The following GRIK2 variants were observed in gnomAD, a reference collection of about 807,000 sequenced individuals.
GRIK2 encodes glutamate receptor ionotropic, kainate 2.
In GRIK2, 32 loss-of-function variants were observed where a neutral mutation model predicts 100.3. The observed-to-expected ratio is 0.32, with a 90% CI of 0.24 to 0.43. GRIK2 has a LOEUF of 0.43. GRIK2 is among the 20% of genes least tolerant of loss of function. GRIK2 has a pLI of 1.00. For synonymous variants in GRIK2, 417 were observed against 389.4 expected, an observed-to-expected ratio of 1.07 and a Z score of -0.83; for missense variants, 843 against 1,114.9, an observed-to-expected ratio of 0.76 and a Z score of 3.47.
chr6:102,010,531 GTGCCACCATGCCCAGCTAATTTTTT>G (rs1795477892), intron 14 of GRIK2, among the ~76,000 whole-genome samples: 1 of 151,866 alleles, frequency 6.6e-6, no homozygotes, highest in Non-Finnish European at 1.5e-5. Context: ...CTACAGTCAT[GTGCCACCATGCCCAGCTAATTTTTT>G]TGTATTTTTT....
At chr6:101,459,758 C>T (rs1337272581) in intron 2 of GRIK2, among the ~76,000 whole-genome samples, 6 of 151,726 alleles carry the variant, frequency 4.0e-5, no homozygotes, top group Non-Finnish European at 7.4e-5. Flanking sequence ...TGCTCTGGAC[C>T]ATAGAAATTA....
At chr6:101,742,117 A>G (rs1776069330) in intron 7 of GRIK2, among the ~76,000 whole-genome samples, 2 of 152,214 alleles carry the variant, frequency 1.3e-5, no homozygotes, top group African/African-American at 2.4e-5. Flanking sequence ...ATCAGAATAT[A>G]CTTTTTTCTA....
intron 14 of GRIK2, among the ~76,000 whole-genome samples, chr6:102,028,576 G>A (rs1167054261): frequency 1.3e-5 from 2 of 151,150 alleles, no homozygotes; most frequent in East Asian, 3.9e-4. Context: ...GATGATTTAC[G>A]AAAACTTAAA....
At chr6:101,550,041 C>A (rs1008301815) in intron 2 of GRIK2, among the ~76,000 whole-genome samples, 1 of 152,206 alleles carries the variant, frequency 6.6e-6, no homozygotes, top group Admixed American at 6.5e-5. Context: ...TTGCACAAAT[C>A]ATTTTCTATT....
At chr6:101,853,897 A>C (rs1784276045) in intron 10 of GRIK2, among the ~76,000 whole-genome samples, 1 of 152,232 alleles carries the variant, frequency 6.6e-6, no homozygotes. Context: ...GAGCTACTAA[A>C]AAGATTAACG....
intron 7 of GRIK2, among the ~76,000 whole-genome samples, chr6:101,760,650 TTA>T (rs1324338441): frequency 1.1e-5 from 1 of 87,730 alleles, no homozygotes; most frequent in Non-Finnish European, 1.9e-5. Context: ...TTATATATAA[TTA>T]TATGTTTAAT....
At chr6:101,964,504 G>A (rs1476799037) in intron 14 of GRIK2, among the ~76,000 whole-genome samples, 1 of 152,130 alleles carries the variant, frequency 6.6e-6, no homozygotes, top group African/African-American at 2.4e-5. Flanking sequence ...ACTTTTGTGG[G>A]ATACTACTTC....
intron 4 of GRIK2, among the ~76,000 whole-genome samples, chr6:101,672,315 A>G (rs1770502081): frequency 6.6e-6 from 1 of 151,968 alleles, no homozygotes; most frequent in African/African-American, 2.4e-5. Context: ...CTTCATTTTG[A>G]CTCAATTGTA....
intron 2 of GRIK2, among the ~76,000 whole-genome samples, chr6:101,473,086 G>T (rs1040558203): frequency 2.7e-5 from 4 of 149,068 alleles, no homozygotes; most frequent in Non-Finnish European, 6.0e-5. Flanking sequence ...GAAAAACAAT[G>T]AATCCTAGGT....
intron 7 of GRIK2, among the ~76,000 whole-genome samples, chr6:101,689,633 C>A (rs1205270426): frequency 6.6e-6 from 1 of 152,010 alleles, no homozygotes; most frequent in Non-Finnish European, 1.5e-5. Flanking sequence ...TTGGTATAAA[C>A]CCAACCAAGG....
intron 14 of GRIK2, among the ~76,000 whole-genome samples, chr6:101,954,110 G>T (rs1054744983): frequency 6.6e-6 from 1 of 152,082 alleles, no homozygotes; most frequent in Non-Finnish European, 1.5e-5. Context: ...CAATTAATCT[G>T]TATGTCTATC....
intron 10 of GRIK2, among the ~76,000 whole-genome samples, chr6:101,851,244 T>A: frequency 6.6e-6 from 1 of 152,024 alleles, no homozygotes; most frequent in East Asian, 1.9e-4. Context: ...TTATTAGCTT[T>A]AGGTGAAGGA....
At chr6:101,564,663 T>C (rs1777168721) in intron 2 of GRIK2, among the ~76,000 whole-genome samples, 1 of 152,114 alleles carries the variant, frequency 6.6e-6, no homozygotes, top group Non-Finnish European at 1.5e-5. Context: ...TTGCGCTATA[T>C]AAACCCCACT....
chr6:101,534,963 C>T (rs1449569521), intron 2 of GRIK2, among the ~76,000 whole-genome samples: 1 of 150,998 alleles, frequency 6.6e-6, no homozygotes, highest in Admixed American at 6.6e-5. Context: ...TTCATTTTTT[C>T]TGGGCAGATT....
intron 7 of GRIK2, among the ~76,000 whole-genome samples, chr6:101,765,658 G>T (rs1168909956): frequency 6.6e-6 from 1 of 152,102 alleles, no homozygotes; most frequent in African/African-American, 2.4e-5. Flanking sequence ...AAATAGTCAA[G>T]ATATTTTTTT....
At chr6:101,619,141 A>T (rs1269841522) in intron 2 of GRIK2, among the ~76,000 whole-genome samples, 1 of 150,944 alleles carries the variant, frequency 6.6e-6, no homozygotes, top group Non-Finnish European at 1.5e-5. Flanking sequence ...TTGGAAACCA[A>T]TTCTTTACTA....
chr6:101,404,392 T>C (rs1775492339), intron 2 of GRIK2, among the ~76,000 whole-genome samples: 1 of 152,218 alleles, frequency 6.6e-6, no homozygotes, highest in African/African-American at 2.4e-5. Context: ...TTTCATGCCA[T>C]TTAGTTATCA....
At chr6:101,874,395 T>C (rs1233437134) in intron 11 of GRIK2, among the ~76,000 whole-genome samples, 1 of 152,180 alleles carries the variant, frequency 6.6e-6, no homozygotes, top group Non-Finnish European at 1.5e-5. Flanking sequence ...TTGTCAAAGA[T>C]CAAATGGTTG....
chr6:101,910,653 T>C (rs1244886708), intron 12 of GRIK2, among the ~76,000 whole-genome samples: 1 of 151,398 alleles, frequency 6.6e-6, no homozygotes, highest in African/African-American at 2.4e-5. Flanking sequence ...TTCAGGTGTA[T>C]TCTCTGTTTT....
Sources: gnomAD v4.1 joint callset for allele counts (sites outside exome capture counted in the v4.1 genomes callset) on GRCh38, gnomAD v4.1.1 for gene constraint, MANE v1.5 for transcripts, NCBI Gene and HGNC (gene_info 2026-07-23, HGNC 2026-07-21) for gene names.